SASH1: variants seen among roughly 807,000 people sequenced by gnomAD.
SASH1 encodes SAM and SH3 domain-containing protein 1.
In SASH1, 44 loss-of-function variants were observed where a neutral mutation model predicts 125.2. The ratio of observed to expected loss-of-function variants is 0.35; its 90% CI spans 0.28 to 0.45. SASH1 has a LOEUF of 0.45. Among genes scored for constraint, SASH1 ranks in the 20% least tolerant of loss-of-function variants. SASH1 has a pLI of 1.00. For synonymous variants in SASH1, 639 were observed against 649.1 expected (o/e 0.98, Z 0.24); for missense variants, 1,426 against 1,614.5 (o/e 0.88, Z 2.00).
chr6:148,489,095 G>T (rs1778994132), intron 8 of SASH1, among the ~76,000 whole-genome samples: 1 of 152,082 alleles, frequency 6.6e-6, no homozygotes, highest in African/African-American at 2.4e-5. Context: ...GGGTTTCATA[G>T]TTTTAGCCTT....
intron 1 of SASH1, among the ~76,000 whole-genome samples, chr6:148,362,342 C>G (rs1782267513): frequency 6.6e-6 from 1 of 151,938 alleles, no homozygotes; most frequent in African/African-American, 2.4e-5. Context: ...CCTGCCTCAG[C>G]CTCCCGAGTA....
At chr6:148,510,995 CAAAAAAA>C (rs5880785) in intron 8 of SASH1, among the ~76,000 whole-genome samples, 1 of 115,368 alleles carries the variant, frequency 8.7e-6, no homozygotes. Context: ...GACTCCATCT[CAAAAAAA>C]AAAAAAAAAA....
At chr6:148,277,324 A>G (rs1779214787) in intron 1 of SASH1, among the ~76,000 whole-genome samples, 2 of 152,232 alleles carry the variant, frequency 1.3e-5, no homozygotes, top group Admixed American at 1.3e-4. Flanking sequence ...TACCACGTTA[A>G]CAATACCATG....
At chr6:148,335,419 C>T (rs200003863) in intron 1 of SASH1, among the ~76,000 whole-genome samples, 2 of 143,610 alleles carry the variant, frequency 1.4e-5, no homozygotes, top group Non-Finnish European at 3.0e-5. Flanking sequence ...GAGCCGAGAT[C>T]GCGCCATTGC....
At chr6:148,521,082 G>A (rs1780778161) in intron 10 of SASH1, among the ~76,000 whole-genome samples, 2 of 152,250 alleles carry the variant, frequency 1.3e-5, no homozygotes, top group Middle Eastern at 3.4e-3. Flanking sequence ...CACTTTTAAC[G>A]CTGGATGATC....
At chr6:148,302,079 G>A (rs1225003892) in intron 1 of SASH1, among the ~76,000 whole-genome samples, 1 of 151,132 alleles carries the variant, frequency 6.6e-6, no homozygotes, top group Non-Finnish European at 1.5e-5. Context: ...ACTTTGGGAG[G>A]CCGAGGCAGG....
At chr6:148,246,364 A>G in the SASH1 span, among the ~76,000 whole-genome samples, 3 of 152,340 alleles carry the variant, frequency 2.0e-5, no homozygotes, top group African/African-American at 7.2e-5. Context: ...ATTTTAAGGT[A>G]GTGGGGTAAT....
intron 4 of SASH1, among the ~76,000 whole-genome samples, chr6:148,466,163 C>T (rs577167390): frequency 9.0e-4 from 137 of 152,294 alleles, no homozygotes; most frequent in Middle Eastern, 3.4e-3. Flanking sequence ...GTGAGATTTT[C>T]CTTACATGTT....
At chr6:148,435,054 G>A (rs1241039970) in intron 2 of SASH1, among the ~76,000 whole-genome samples, 1 of 150,838 alleles carries the variant, frequency 6.6e-6, no homozygotes. Flanking sequence ...AGGGGGTGAG[G>A]AAATAAGAAA....
At chr6:148,328,451 G>T (rs1440744252) in intron 1 of SASH1, among the ~76,000 whole-genome samples, 1 of 152,070 alleles carries the variant, frequency 6.6e-6, no homozygotes, top group Non-Finnish European at 1.5e-5. Context: ...AAATTAGCCA[G>T]GCGCAGTGGT....
At position 148,546,152 on chromosome 6, in the gene SASH1, C is replaced by A. The variant is rs751222761; in HGVS notation, c.3480+6C>A. Reference sequence around the variant, plus strand: ...GGAAGCAGCACCGCATGGCGGTGAGCAGCCCACAGTTCTCCAGCTTCCTGA... The same window carrying A: ...GGAAGCAGCACCGCATGGCGGTGAGAAGCCCACAGTTCTCCAGCTTCCTGA... On this transcript the variant is annotated splice_donor_region_variant and intron_variant, in intron 19 of 19. Coordinates refer to ENST00000367467, the MANE Select transcript of SASH1 (RefSeq NM_015278.5). 1 of 1,612,996 alleles carries A rather than the reference C, an allele frequency of 6.2e-7. No homozygotes were observed. Among genetic ancestry groups the A allele is most frequent in the South Asian group, 1.1e-5 (1 of 90,882 alleles).
intron 5 of SASH1, chr6:148,468,827 C>T (rs947776652): frequency 7.9e-6 from 3 of 379,758 alleles, no homozygotes; most frequent in African/African-American, 6.3e-5. Flanking sequence ...TTTCCCATGA[C>T]TGAATATTCT....
chr6:148,199,710 GAGAA>G, the SASH1 span, among the ~76,000 whole-genome samples: 23 of 149,280 alleles, frequency 1.5e-4, no homozygotes, highest in African/African-American at 5.4e-4. Context: ...AAAAAGAAAA[GAGAA>G]AGAAAGGAAG....
chr6:148,332,801 C>T (rs764556649), intron 1 of SASH1, among the ~76,000 whole-genome samples: 5 of 152,028 alleles, frequency 3.3e-5, no homozygotes, highest in Non-Finnish European at 7.4e-5. Context: ...GCCAGACCAA[C>T]ATGGTAAAAC....
At chr6:148,275,986 G>A (rs1262988514) in intron 1 of SASH1, among the ~76,000 whole-genome samples, 1 of 152,218 alleles carries the variant, frequency 6.6e-6, no homozygotes, top group East Asian at 1.9e-4. Flanking sequence ...CTCCCAAAGT[G>A]TTGGGATTTC....
chr6:148,510,648 T>C (rs756407193), intron 8 of SASH1, among the ~76,000 whole-genome samples: 27 of 151,968 alleles, frequency 1.8e-4, no homozygotes, highest in Non-Finnish European at 1.0e-4. Context: ...TTTTTTATGT[T>C]TATAAATATA....
chr6:148,421,153 GAA>G (rs1357780294), intron 2 of SASH1, among the ~76,000 whole-genome samples: 1 of 80,992 alleles, frequency 1.2e-5, no homozygotes, highest in Non-Finnish European at 2.8e-5. Flanking sequence ...AAGGAAGAAA[GAA>G]AGAAAGAAAG....
At chr6:148,305,440 C>T (rs934553901) in intron 1 of SASH1, among the ~76,000 whole-genome samples, 1 of 151,884 alleles carries the variant, frequency 6.6e-6, no homozygotes, top group Non-Finnish European at 1.5e-5. Context: ...CTGGTCAATA[C>T]GGTGAAACCC....
In SASH1 at chr6:148,421,396, C is replaced by T. The variant is rs140826609; in HGVS notation, c.286-18788C>T. Among the ~76,000 whole-genome samples the T allele has an allele frequency of 4.8e-4, 73 of 152,300 alleles. 1 individual carries two copies. Among genetic ancestry groups the T allele is most frequent in the African/African-American group, 1.5e-3 (64 of 41,562 alleles). On this transcript the variant is annotated intron_variant, in intron 2 of 19. Coordinates refer to ENST00000367467, the MANE Select transcript of SASH1 (RefSeq NM_015278.5). Reference sequence around the variant, plus strand: ...TCAGCTCACTGCATCCTCCACCCTCCGGGTTCAAGCAATTCTCCTGCCTCG... The same window carrying T: ...TCAGCTCACTGCATCCTCCACCCTCTGGGTTCAAGCAATTCTCCTGCCTCG...
Sources: gnomAD v4.1 joint callset for allele counts (sites outside exome capture counted in the v4.1 genomes callset) on GRCh38, gnomAD v4.1.1 for gene constraint, MANE v1.5 for transcripts, NCBI Gene and HGNC (gene_info 2026-07-23, HGNC 2026-07-21) for gene names.